Variants in FAM83H observed in about 807,000 individuals in gnomAD.
The protein encoded by FAM83H is protein FAM83H.
In FAM83H, 24 loss-of-function variants were observed where a neutral mutation model predicts 30.2. The observed-to-expected ratio is 0.79, with a 90% CI of 0.57 to 1.12. The LOEUF (loss-of-function observed/expected upper bound fraction) is 1.12, where lower values mean the gene tolerates loss of function less well. Ranked by LOEUF, FAM83H falls within the 50% of genes most tolerant of loss-of-function variation. The pLI is 0.00. For synonymous variants in FAM83H, 1,013 were observed against 821.7 expected, an observed-to-expected ratio of 1.23 and a Z score of -3.98; for missense variants, 2,038 against 1,773.9, an observed-to-expected ratio of 1.15 and a Z score of -2.67.
intron 2 of FAM83H, 80 bp from the exon 3 acceptor site, chr8:143,729,403 A>G (rs1172974442): frequency 6.5e-7 from 1 of 1,533,608 alleles, no homozygotes. Flanking sequence ...CACACCCGGG[A>G]GGTGTCTGGA....
chr8:143,728,501 G>A lies in FAM83H; in HGVS notation c.960C>T (p.Phe320=), dbSNP rs1554623447. The A allele has an allele frequency of 1.9e-6, 3 of 1,556,520 alleles. No individual in the cohort carries two copies. Among genetic ancestry groups the A allele is most frequent in the Admixed American group, 3.9e-5 (2 of 51,574 alleles). Reference sequence around the variant, plus strand: ...GGAGGTGCGCTCGTTTAGGGAAGGAGAAGGGGGTTGGCGCCCCGACCCCAG... The same window carrying A: ...GGAGGTGCGCTCGTTTAGGGAAGGAAAAGGGGGTTGGCGCCCCGACCCCAG... ...GVPGVGAPTP[F]SFPKRAHLLF... is the part of the protein sequence containing the mutation. The change falls in exon 5 of 5, where the codon TTC becomes TTT. Residue 320 remains phenylalanine, a synonymous_variant. Coordinates refer to ENST00000388913, the MANE Select transcript of FAM83H (RefSeq NM_198488.5).
rs1297668822 is a variant in FAM83H at position 143,727,777 on chromosome 8, G to C, written c.1684C>G (p.Pro562Ala). The C allele has an allele frequency of 9.7e-6, 14 of 1,447,110 alleles. No homozygotes were observed. In the African/African-American group the frequency reaches 2.0e-4, roughly 20 times the overall value. 89.6% of individuals were successfully genotyped at this position (1,447,110 alleles called of 1,614,324 possible). A position where few individuals can be genotyped will look rare whatever the true frequency, so the allele number is the denominator to read the frequency against. Residue 562 changes from proline (P) to alanine (A), a missense_variant, in exon 5 of 5, where the codon CCC becomes GCC. Physicochemically the swap from Pro to Ala is conservative, Grantham distance 27. Coordinates refer to ENST00000388913, the MANE Select transcript of FAM83H (RefSeq NM_198488.5). Reference protein sequence around the residue: ...AAARPGPDPAPEAEPERRGGP... With the variant: ...AAARPGPDPAAEAEPERRGGP... ...CCCCTGCGCTCCGGCTCCGCCTCGGGAGCGGGGTCTGGGCCCGGCCTCGCC... is the reference window on the plus strand; with the variant it reads ...CCCCTGCGCTCCGGCTCCGCCTCGGCAGCGGGGTCTGGGCCCGGCCTCGCC...
Position 143,728,597 on chromosome 8 carries a change from G to C in FAM83H, c.864C>G (p.Ala288=), listed in dbSNP as rs782465375. The stretch of plus-strand genomic sequence containing the variant: ...AGGCGTCCATGCGGGCCAGGGCCGC[G>C]GCCGAGGGCACAAGCGGCTCGGACT... The part of the protein sequence containing the change: ...FAQSEPLVPS[A]AALARMDAYA... Residue 288 remains alanine (A), a synonymous_variant, in exon 5 of 5, where the codon GCC becomes GCG. Transcript: ENST00000388913. 8.3e-5 allele frequency: 133 copies of C among 1,608,110 alleles called. No individual in the cohort carries two copies. The South Asian group carries it at 1.0e-3, about 13-fold the overall frequency.
Position 143,726,836 on chromosome 8 carries a change from G to A in FAM83H, c.2625C>T (p.Tyr875=), listed in dbSNP as rs114041611. 3,311 of 1,613,010 alleles carry A rather than the reference G, an allele frequency of 2.1e-3. 67 individuals carry two copies. In the African/African-American group the frequency reaches 0.039, roughly 19 times the overall value. ...NESKGSPTSA[Y]PERKGSPTPG... is the part of the protein sequence containing the mutation. Reference sequence around the variant, plus strand: ...GCGTGGGGCTCCCCTTCCGCTCAGGGTAAGCCGAGGTGGGGCTCCCTTTTG... The same window carrying A: ...GCGTGGGGCTCCCCTTCCGCTCAGGATAAGCCGAGGTGGGGCTCCCTTTTG... Residue 875 remains tyrosine, a synonymous_variant, in exon 5 of 5, where the codon TAC becomes TAT. Coordinates refer to ENST00000388913, the MANE Select transcript of FAM83H (RefSeq NM_198488.5).
chr8:143,731,152 T>C (rs1818506182), intron 1 of FAM83H, among the ~76,000 whole-genome samples: 1 of 148,400 alleles, frequency 6.7e-6, no homozygotes, highest in Non-Finnish European at 1.5e-5. Flanking sequence ...ACTGTTGGCT[T>C]AAAGACAAAC....
In FAM83H at chr8:143,727,922, G is replaced by A. The variant is rs1554622965; in HGVS notation, c.1539C>T (p.Ser513=). 1 of 1,529,620 alleles carries A rather than the reference G, an allele frequency of 6.5e-7. No homozygotes were observed. The highest frequency in any genetic ancestry group is 8.7e-7 in the Non-Finnish European group (1 of 1,144,488). 94.8% of individuals were successfully genotyped at this position (1,529,620 alleles called of 1,614,324 possible). A position where few individuals can be genotyped will look rare whatever the true frequency, so the allele number is the denominator to read the frequency against. ...CGTGGCGCACCTCGCGGGACGCGCT[G>A]GACGGCACGTAGTCCAGCCGCTGGT... is the stretch of plus-strand genomic sequence containing the variant. ...DGHQRLDYVP[S]SASREVRHGS... The change falls in exon 5 of 5, where the codon TCC becomes TCT. Residue 513 remains serine, a synonymous_variant. Transcript: ENST00000388913.
intron 1 of FAM83H, chr8:143,731,644 A>G (rs1164778998): frequency 1.0e-6 from 1 of 985,356 alleles, no homozygotes; most frequent in Non-Finnish European, 1.2e-6. Flanking sequence ...CCTGGGCCAC[A>G]GCCCCTTGGT....
chr8:143,731,702 C>T (rs1818527050), intron 1 of FAM83H: 2 of 985,496 alleles, frequency 2.0e-6, no homozygotes, highest in Non-Finnish European at 2.4e-6. Context: ...CCAAATCTGG[C>T]TCTCCACTTG....
Position 143,730,308 on chromosome 8 carries a change from G to A in FAM83H, c.275C>T (p.Ser92Leu), listed in dbSNP as rs200635712. Residue 92 changes from serine (S) to leucine (L), a missense_variant, in exon 2 of 5, where the codon TCG becomes TTG. By Grantham distance (145) the Ser-to-Leu change is moderately radical (BLOSUM62 -2). Transcript: ENST00000388913. The part of the protein sequence containing the change: ...SLLDVDMDGS[S>L]GTYWPVNSDQ... Reference sequence around the variant, plus strand: ...TGAGTTCACTGGCCAGTATGTACCCGAGGAGCCATCCATGTCCACGTCGAG... The same window carrying A: ...TGAGTTCACTGGCCAGTATGTACCCAAGGAGCCATCCATGTCCACGTCGAG... 1.0e-4 allele frequency: 166 copies of A among 1,613,596 alleles called. No individual in the cohort carries two copies. The highest frequency in any genetic ancestry group is 1.4e-4 in the Non-Finnish European group (161 of 1,180,032).
Position 143,728,018 on chromosome 8 carries a change from C to T in FAM83H, c.1443G>A (p.Ala481=), listed in dbSNP as rs782579656. ...TGAAGTCATCCGGGTCCGCGAAACC[C>T]GCGCGGCCCCCGCGAAGCTTCTCGA... ...GLFEKLRGGR[A]GFADPDDFTL... Residue 481 remains alanine, a synonymous_variant, in exon 5 of 5, where the codon GCG becomes GCA. Transcript: ENST00000388913. 1.9e-6 allele frequency: 3 copies of T among 1,602,044 alleles called. No individual in the cohort carries two copies. The East Asian group carries it at 6.7e-5, about 36-fold the overall frequency.
rs912972644 is a variant in FAM83H at position 143,725,326 on chromosome 8, A to T, written c.*595T>A. The stretch of plus-strand genomic sequence containing the variant: ...AGGATAGGGGACTTAGCGGGGTGCA[A>T]GGCTCACGCCTGTAATCCCCCCACT... On this transcript the variant is annotated 3_prime_UTR_variant, in exon 5 of 5. Transcript: ENST00000388913. 3.7e-5 allele frequency: 6 copies of T among 160,660 alleles called. 1 individual carries two copies. The highest frequency in any genetic ancestry group is 1.2e-4 in the Admixed American group (2 of 17,036). The allele number at this position is 160,660 out of a possible 1,614,324, so 10.0% of individuals were successfully genotyped here. A position where few individuals can be genotyped will look rare whatever the true frequency, so the allele number is the denominator to read the frequency against.
rs1391681173 is a variant in FAM83H, at chr8:143,728,795, G to A, written c.738-72C>T. 3 of 1,597,778 alleles carry A rather than the reference G, an allele frequency of 1.9e-6. No individual in the cohort carries two copies. The East Asian group carries it at 6.7e-5, about 36-fold the overall frequency. ...ACTGCAGCCCCGTGGGCAGCGGGTGGGGCGCGGAGGACGCAGGGATGTGAG... is the reference window on the plus strand; with the variant it reads ...ACTGCAGCCCCGTGGGCAGCGGGTGAGGCGCGGAGGACGCAGGGATGTGAG... On this transcript the variant is annotated intron_variant, in intron 4 of 4. Coordinates refer to ENST00000388913, the MANE Select transcript of FAM83H (RefSeq NM_198488.5).
In FAM83H at chr8:143,725,156, C is replaced by CGGGGGGGGGGGGGGGGGGGGGGGGAGGG. The variant is rs549881150; in HGVS notation, c.*764_*765insCCCTCCCCCCCCCCCCCCCCCCCCCCCC. ...AAGCCCAGGCGGGGGAGGGGGGAGA[C>CGGGGGGGGGGGGGGGGGGGGGGGGAGGG]GGGGGGGGGGGGGGGGGAGGGAAGG... On this transcript the variant is annotated 3_prime_UTR_variant, in exon 5 of 5. Coordinates refer to ENST00000388913, the MANE Select transcript of FAM83H (RefSeq NM_198488.5). 2.7e-5 allele frequency: 1 copy of CGGGGGGGGGGGGGGGGGGGGGGGGAGGG among 37,534 alleles called. No individual in the cohort carries two copies. Among genetic ancestry groups the CGGGGGGGGGGGGGGGGGGGGGGGGAGGG allele is most frequent in the South Asian group, 9.6e-4 (1 of 1,042 alleles). 2.3% of individuals were successfully genotyped at this position (37,534 alleles called of 1,614,324 possible). A position where few individuals can be genotyped will look rare whatever the true frequency, so the allele number is the denominator to read the frequency against.
Position 143,729,085 on chromosome 8 carries a change from G to C in FAM83H, c.619C>G (p.Arg207Gly). 1 of 1,613,694 alleles carries C rather than the reference G, an allele frequency of 6.2e-7. No homozygotes were observed. Among genetic ancestry groups the C allele is most frequent in the Non-Finnish European group, 8.5e-7 (1 of 1,180,008 alleles). Residue 207 changes from arginine (R) to glycine (G), a missense_variant, in exon 4 of 5, where the codon CGC (arginine) becomes GGC (glycine). Arg to Gly is a moderately radical substitution (Grantham distance 125). Transcript: ENST00000388913. ...RVNLQHVDFL[R>G]VRTVAGPTYY... is the part of the protein sequence containing the mutation. ...GTGGGGCCCGCCACAGTCCGTACGC[G>C]CAGGAACTGGGGAGGGAGGGGAGTC...
Position 143,730,330 on chromosome 8 carries a change from C to T in FAM83H, c.253G>A (p.Asp85Asn), listed in dbSNP as rs782438808. The T allele has an allele frequency of 2.4e-5, 39 of 1,613,698 alleles. No homozygotes were observed. The highest frequency in any genetic ancestry group is 1.6e-4 in the Middle Eastern group (1 of 6,082). Reference sequence around the variant, plus strand: ...CCCGAGGAGCCATCCATGTCCACGTCGAGAAGGCTGCCTTCAGGTGGCTCT... The same window carrying T: ...CCCGAGGAGCCATCCATGTCCACGTTGAGAAGGCTGCCTTCAGGTGGCTCT... ...TREPPEGSLLDVDMDGSSGTY... is the reference protein window; with the variant it reads ...TREPPEGSLLNVDMDGSSGTY... The change falls in exon 2 of 5, where the codon GAC (aspartate) becomes AAC (asparagine). Residue 85 changes from aspartate (D) to asparagine (N), a missense_variant. Coordinates refer to ENST00000388913, the MANE Select transcript of FAM83H (RefSeq NM_198488.5).
At position 143,727,292 on chromosome 8, in the gene FAM83H, T is replaced by C; in HGVS notation, c.2169A>G (p.Gly723=). The part of the protein sequence containing the change: ...QTVSETLGPG[G]EAVRSAASTK... ...TGGAAGCCGCGGAGCGCACGGCCTC[T>C]CCGCCGGGCCCCAGCGTCTCGCTGA... The change falls in exon 5 of 5, where the codon GGA becomes GGG. Residue 723 remains glycine (G), a synonymous_variant. Transcript: ENST00000388913. 1 of 1,537,554 alleles carries C rather than the reference T, an allele frequency of 6.5e-7. No individual in the cohort carries two copies. The highest frequency in any genetic ancestry group is 1.2e-5 in the South Asian group (1 of 84,280).
chr8:143,733,506 T>C lies in FAM83H; in HGVS notation c.-16+185A>G, dbSNP rs1818606783. Among the ~76,000 whole-genome samples the C allele has an allele frequency of 6.6e-6, 1 of 151,734 alleles. No homozygotes were observed. The highest frequency in any genetic ancestry group is 2.4e-5 in the African/African-American group (1 of 41,328). ...TCCATATCCGCACAGCGGCGCCCCC[T>C]GTCCGAGCAGCCCCGCCACCCCGGC... is the stretch of plus-strand genomic sequence containing the variant. On this transcript the variant is annotated intron_variant, in intron 1 of 4. Transcript: ENST00000388913. This position sits in a 1 kb window ranked among gnomAD's most constrained non-coding sequence, Gnocchi z 5.6.
chr8:143,725,881 C>G lies in FAM83H; in HGVS notation c.*40G>C, dbSNP rs985857226. 3.7e-5 allele frequency: 60 copies of G among 1,605,480 alleles called. No homozygotes were observed. The highest frequency in any genetic ancestry group is 1.7e-4 in the Middle Eastern group (1 of 5,886). ...CGGGGCTTCTGGATGACCGGGGCAG[C>G]GATGCGGGCACCCTGGCCTGGGTTG... On this transcript the variant is annotated 3_prime_UTR_variant, in exon 5 of 5. Transcript: ENST00000388913.
In FAM83H at chr8:143,726,599, C is replaced by A. The variant is rs1554621930; in HGVS notation, c.2862G>T (p.Gly954=). 1 of 1,601,274 alleles carries A rather than the reference C, an allele frequency of 6.2e-7. No homozygotes were observed. The change falls in exon 5 of 5, where the codon GGG becomes GGT. Residue 954 remains glycine (G), a synonymous_variant. Coordinates refer to ENST00000388913, the MANE Select transcript of FAM83H (RefSeq NM_198488.5). ...ESPKAGPAEE[G]PSGPMEVLRK... is the part of the protein sequence containing the mutation. ...GCAGGACTTCCATGGGGCCGCTCGG[C>A]CCCTCCTCCGCGGGCCCGGCCTTCG...
Sources: gnomAD v4.1 joint callset for allele counts (sites outside exome capture counted in the v4.1 genomes callset) on GRCh38, gnomAD v4.1.1 for gene constraint, Gnocchi (gnomAD v3.1) non-coding constraint, MANE v1.5 for transcripts, NCBI Gene and HGNC (gene_info 2026-07-23, HGNC 2026-07-21) for gene names.